PRSS23: variants seen among roughly 807,000 people sequenced by gnomAD.
The protein encoded by PRSS23 is protease, serine 23.
Under a neutral mutation model 34.7 loss-of-function variants are expected in PRSS23, and 25 were observed. The observed-to-expected ratio is 0.72, with a 90% confidence interval of 0.53 to 1.01. The LOEUF is 1.01. Ranked by LOEUF, PRSS23 falls within the 50% of genes least tolerant of loss-of-function variation. The probability of loss-of-function intolerance (pLI) is 0.00; values close to 1 mark genes in which losing one functional copy is unlikely to be tolerated. For synonymous variants in PRSS23, 176 were observed against 186.6 expected (o/e 0.94, Z 0.46); for missense variants, 445 against 475.6 (o/e 0.94, Z 0.60).
chr11:86,864,414 G>A (rs535651364), intron 2 of PRSS23, among the ~76,000 whole-genome samples: 1 of 152,250 alleles, frequency 6.6e-6, no homozygotes, highest in Admixed American at 6.5e-5. Context: ...AGGGGCTGAC[G>A]CCACAGCACA....
At chr11:86,952,165 G>C in exon 3 of PRSS23, 1 of 1,612,166 alleles carries the variant, frequency 6.2e-7, no homozygotes, top group Non-Finnish European at 8.5e-7. Flanking sequence ...CACAGTTCAG[G>C]CTCCTTTTCA....
At chr11:86,867,537 G>T (rs1223297510) in intron 2 of PRSS23, among the ~76,000 whole-genome samples, 1 of 152,102 alleles carries the variant, frequency 6.6e-6, no homozygotes, top group Non-Finnish European at 1.5e-5. Flanking sequence ...TCTTTCAGGG[G>T]TATAACAACC....
chr11:86,842,248 A>C (rs554983942), intron 2 of PRSS23, among the ~76,000 whole-genome samples: 1 of 152,190 alleles, frequency 6.6e-6, no homozygotes, highest in African/African-American at 2.4e-5. Flanking sequence ...CATGCTAAAA[A>C]CTCTATATAA....
intron 2 of PRSS23, among the ~76,000 whole-genome samples, chr11:86,895,477 C>CTTTTTT (rs71040269): frequency 3.5e-4 from 30 of 86,628 alleles, no homozygotes; most frequent in Non-Finnish European, 4.1e-4. Context: ...TTATTTTATC[C>CTTTTTT]TTTTTTTTTT....
chr11:86,815,958 G>A (rs923944663), downstream of PRSS23, among the ~76,000 whole-genome samples: 6 of 152,164 alleles, frequency 3.9e-5, no homozygotes, highest in African/African-American at 1.4e-4. Flanking sequence ...ATGTTCTGAA[G>A]CAAAGACCTG....
chr11:86,817,875 A>C (rs956858681), intron 1 of PRSS23, among the ~76,000 whole-genome samples: 1 of 152,228 alleles, frequency 6.6e-6, no homozygotes, highest in Non-Finnish European at 1.5e-5. Context: ...AATTGAAGCA[A>C]GGTAACTTGC....
At chr11:86,800,459 C>CGAGGCCG (rs1224198140), upstream of PRSS23, 5 of 983,610 alleles carry the variant, frequency 5.1e-6, no homozygotes, top group Non-Finnish European at 6.0e-6. Flanking sequence ...GCGGCTTCCC[C>CGAGGCCG]GAGGCCGGAG....
At chr11:86,927,068 T>G (rs78244975) in intron 2 of PRSS23, among the ~76,000 whole-genome samples, 5,210 of 152,284 alleles carry the variant, frequency 0.034, 112 homozygotes, top group South Asian at 0.087. Flanking sequence ...ACAGAACCTC[T>G]GGATTCTATT....
At chr11:86,923,282 C>T (rs941667881) in intron 2 of PRSS23, among the ~76,000 whole-genome samples, 1 of 152,030 alleles carries the variant, frequency 6.6e-6, no homozygotes, top group Non-Finnish European at 1.5e-5. Flanking sequence ...CATTAACACA[C>T]CCAGCTAATT....
chr11:86,887,740 C>T (rs534388777), intron 2 of PRSS23, among the ~76,000 whole-genome samples: 1 of 152,250 alleles, frequency 6.6e-6, no homozygotes, highest in Admixed American at 6.5e-5. Flanking sequence ...GACACACACA[C>T]TGAACAACTA....
At chr11:86,942,158 A>G (rs1949211061) in intron 2 of PRSS23, among the ~76,000 whole-genome samples, 1 of 152,168 alleles carries the variant, frequency 6.6e-6, no homozygotes, top group African/African-American at 2.4e-5. Context: ...AGAGGCTTAA[A>G]CCTACCTATC....
chr11:86,791,688 A>G lies in PRSS23; in HGVS notation c.-14+493A>G, dbSNP rs1417434621. On this transcript the variant is annotated intron_variant, in intron 1 of 1. Coordinates refer to the PRSS23 transcript ENST00000527521. ...TAAAAATAAGTCTTAAAGTCAGCTC[A>G]CTGCTGTCTGTTTTCCAAGGTCAGA... Among the ~76,000 whole-genome samples, 3 of 152,218 alleles carry G rather than the reference A, an allele frequency of 2.0e-5. No homozygotes were observed. The East Asian group carries it at 5.8e-4, about 29-fold the overall frequency.
intron 1 of PRSS23, among the ~76,000 whole-genome samples, chr11:86,794,845 A>C (rs1207969785): frequency 3.3e-5 from 5 of 152,184 alleles, no homozygotes; most frequent in African/African-American, 4.8e-5. Flanking sequence ...TTATAAGAAA[A>C]ATGTGATTTT....
intron 2 of PRSS23, among the ~76,000 whole-genome samples, chr11:86,823,782 G>A (rs1056242451): frequency 2.6e-4 from 39 of 151,978 alleles, no homozygotes; most frequent in African/African-American, 7.0e-4. Flanking sequence ...CGAGGCGGGC[G>A]GATCACGAGG....
Position 86,833,434 on chromosome 11 carries a change from G to A in PRSS23, c.206+9841G>A, listed in dbSNP as rs949077718. The A allele has an allele frequency of 1.6e-5, 9 of 549,182 alleles. No individual in the cohort carries two copies. In the Admixed American group the frequency reaches 1.8e-4, roughly 11 times the overall value. The allele number at this position is 549,182 out of a possible 1,614,324, so 34.0% of individuals were successfully genotyped here. A position where few individuals can be genotyped will look rare whatever the true frequency, so the allele number is the denominator to read the frequency against. ...GAGTTCTAGGAGGAGGAATTTTGAA[G>A]CATCTGTTAGATTCTGTGGGTCTGT... is the stretch of plus-strand genomic sequence containing the variant. On this transcript the variant is annotated intron_variant, in intron 2 of 2. Transcript: ENST00000533902.
intron 2 of PRSS23, among the ~76,000 whole-genome samples, chr11:86,826,976 C>A (rs1178015260): frequency 6.6e-6 from 1 of 151,888 alleles, no homozygotes; most frequent in African/African-American, 2.4e-5. Context: ...TGTCTCTGCC[C>A]AGCTTTGGTA....
At chr11:86,867,873 T>TAAAA (rs1171448828) in intron 2 of PRSS23, among the ~76,000 whole-genome samples, 1 of 42,564 alleles carries the variant, frequency 2.3e-5, no homozygotes, top group Non-Finnish European at 4.2e-5. Flanking sequence ...AGACCCTACC[T>TAAAA]CAAAAAAAAA....
At chr11:86,906,435 G>A (rs1305905441) in intron 2 of PRSS23, among the ~76,000 whole-genome samples, 2 of 152,334 alleles carry the variant, frequency 1.3e-5, no homozygotes, top group African/African-American at 2.4e-5. Flanking sequence ...CCGCCCCTGC[G>A]CCACCCCGGC....
Position 86,906,520 on chromosome 11 carries a change from C to T in PRSS23, c.207-44696C>T, listed in dbSNP as rs573413777. On this transcript the variant is annotated intron_variant, in intron 2 of 2. Transcript: ENST00000533902. ...GAGGTTGCCCCCCATCTAATCAGCC[C>T]CGCAGTGCCTCGCCAACTCCGGAAG... 1.1e-4 allele frequency among the ~76,000 whole-genome samples: 16 copies of T among 152,342 alleles called. No homozygotes were observed. The South Asian group carries it at 3.1e-3, about 30-fold the overall frequency.
Sources: allele counts gnomAD v4.1 joint callset (sites outside exome capture counted in the v4.1 genomes callset), GRCh38; gene constraint gnomAD v4.1.1; transcripts MANE v1.5; gene names NCBI Gene and HGNC (gene_info 2026-07-23, HGNC 2026-07-21).